The following DCAF12 variants were observed in gnomAD, a reference collection of about 807,000 sequenced individuals.
DCAF12 encodes the protein DDB1- and CUL4-associated factor 12.
Under a neutral mutation model 52.8 loss-of-function variants are expected in DCAF12, and 28 were observed. The ratio of observed to expected loss-of-function variants is 0.53; its 90% CI spans 0.39 to 0.73. The LOEUF (loss-of-function observed/expected upper bound fraction) is 0.73. Ranked by LOEUF, DCAF12 falls within the 30% of genes least tolerant of loss-of-function variation. The pLI, the probability that DCAF12 is intolerant of heterozygous loss-of-function variation, is 0.00. For missense variants in DCAF12, 425 were observed against 552.2 expected, an observed-to-expected ratio of 0.77 and a Z score of 2.31; for synonymous variants, 196 against 215.5, an observed-to-expected ratio of 0.91 and a Z score of 0.79.
chr9:34,105,859 C>T (rs1417655182), intron 4 of DCAF12, among the ~76,000 whole-genome samples: 1 of 151,492 alleles, frequency 6.6e-6, no homozygotes, highest in Non-Finnish European at 1.5e-5. Context: ...AGCAATTCTC[C>T]TGCCTCAGTC....
intron 4 of DCAF12, 137 bp downstream of exon 4, chr9:34,106,296 GC>G: frequency 1.6e-6 from 1 of 613,952 alleles, no homozygotes; most frequent in Non-Finnish European, 2.9e-6. Context: ...ACCCACCTCA[GC>G]CTCCCAAAGT....
chr9:34,099,994 A>T (rs867710652), intron 4 of DCAF12, among the ~76,000 whole-genome samples: 10 of 152,114 alleles, frequency 6.6e-5, no homozygotes, highest in Non-Finnish European at 1.5e-4. Context: ...CCTCTAGAGC[A>T]GTGGTACTTA....
chr9:34,109,881 T>C, intron 2 of DCAF12: 1 of 249,464 alleles, frequency 4.0e-6, no homozygotes, highest in South Asian at 6.4e-5. Flanking sequence ...AGGTCTCGTC[T>C]GTGTTTTCTG....
At chr9:34,123,133 G>A (rs1285338634) in intron 2 of DCAF12, among the ~76,000 whole-genome samples, 1 of 152,110 alleles carries the variant, frequency 6.6e-6, no homozygotes, top group Non-Finnish European at 1.5e-5. Flanking sequence ...AGAAATCTGG[G>A]GATTGAATGA....
chr9:34,088,620 G>A, intron 8 of DCAF12, 112 bp from the exon 9 acceptor site: 17 of 1,197,444 alleles, frequency 1.4e-5, no homozygotes, highest in Non-Finnish European at 1.8e-5. Flanking sequence ...GGTTCTACAG[G>A]TACAACCTCA....
intron 7 of DCAF12, among the ~76,000 whole-genome samples, chr9:34,091,518 C>A (rs537032258): frequency 6.6e-6 from 1 of 151,594 alleles, no homozygotes; most frequent in South Asian, 2.1e-4. Context: ...CGCTTATAGT[C>A]CCAGCTACTC....
intron 2 of DCAF12, among the ~76,000 whole-genome samples, chr9:34,108,984 T>A (rs1430174494): frequency 7.8e-5 from 11 of 140,712 alleles, no homozygotes; most frequent in Non-Finnish European, 1.7e-4. Context: ...GTATATGTTT[T>A]TATATATATA....
At chr9:34,107,130 C>T (rs1828915691) in intron 3 of DCAF12, among the ~76,000 whole-genome samples, 1 of 152,148 alleles carries the variant, frequency 6.6e-6, no homozygotes. Flanking sequence ...TAGTAAACTG[C>T]TACTCTCTGA....
chr9:34,093,896 G>A (rs1014952070), intron 6 of DCAF12: 1 of 180,582 alleles, frequency 5.5e-6, no homozygotes, highest in Admixed American at 5.4e-5. Flanking sequence ...AATGGGAATT[G>A]TACGCTATAG....
chr9:34,098,897 T>C (rs995822532), intron 4 of DCAF12, among the ~76,000 whole-genome samples: 5 of 151,448 alleles, frequency 3.3e-5, no homozygotes, highest in Non-Finnish European at 7.4e-5. Flanking sequence ...CCCTCCCAAG[T>C]AGCTGGGATT....
chr9:34,118,227 G>A (rs529121243), intron 2 of DCAF12, among the ~76,000 whole-genome samples: 4 of 152,218 alleles, frequency 2.6e-5, no homozygotes, highest in East Asian at 1.9e-4. Context: ...TCTGCCTCCC[G>A]GGTTCAAGCG....
intron 6 of DCAF12, among the ~76,000 whole-genome samples, chr9:34,095,043 G>A (rs1345704921): frequency 6.6e-6 from 1 of 151,878 alleles, no homozygotes; most frequent in Admixed American, 6.6e-5. Context: ...TTCCATTTGT[G>A]GCATTGTGTT....
chr9:34,103,839 T>TCAA (rs998068224), intron 4 of DCAF12, among the ~76,000 whole-genome samples: 3 of 152,060 alleles, frequency 2.0e-5, no homozygotes, highest in Non-Finnish European at 4.4e-5. Flanking sequence ...AGACCCTGTC[T>TCAA]CAACAACAAC....
chr9:34,107,707 G>C (rs887789049), intron 2 of DCAF12, 142 bp from the exon 3 acceptor site: 4 of 684,824 alleles, frequency 5.8e-6, no homozygotes, highest in African/African-American at 5.4e-5. Context: ...TAAAGGCATG[G>C]TCAGGACTAC....
chr9:34,092,684 CAA>C (rs554169645), intron 7 of DCAF12, among the ~76,000 whole-genome samples: 8 of 135,760 alleles, frequency 5.9e-5, no homozygotes, highest in Non-Finnish European at 1.3e-4. Flanking sequence ...GACTCTGTCT[CAA>C]AAAAAAAAAA....
At chr9:34,124,242 C>T (rs1050075715) in intron 2 of DCAF12, among the ~76,000 whole-genome samples, 3 of 152,110 alleles carry the variant, frequency 2.0e-5, no homozygotes, top group Admixed American at 6.5e-5. Context: ...AGGTGAAAAC[C>T]GAGGGAGGGC....
intron 6 of DCAF12, among the ~76,000 whole-genome samples, chr9:34,095,372 CTTTTTTTTTT>C (rs36066422): frequency 5.8e-4 from 45 of 78,166 alleles, no homozygotes; most frequent in African/African-American, 5.9e-4. Context: ...CGCGCCAGGC[CTTTTTTTTTT>C]TTTTTTTTTT....
At chr9:34,098,608 G>C in intron 4 of DCAF12, 91 bp from the exon 5 acceptor site, 1 of 1,359,592 alleles carries the variant, frequency 7.4e-7, no homozygotes, top group Non-Finnish European at 1.0e-6. Context: ...TAGTCTAGCT[G>C]TTTGTGCATC....
chr9:34,097,082 T>C (rs1430243121), intron 5 of DCAF12, among the ~76,000 whole-genome samples: 3 of 152,070 alleles, frequency 2.0e-5, no homozygotes, highest in Non-Finnish European at 2.9e-5. Context: ...GACAGTTTCA[T>C]AATCTAGTGT....
Sources: allele counts gnomAD v4.1 joint callset (sites outside exome capture counted in the v4.1 genomes callset), GRCh38; gene constraint gnomAD v4.1.1; transcripts MANE v1.5; gene names NCBI Gene and HGNC (gene_info 2026-07-23, HGNC 2026-07-21).